RPSA2: variants seen among roughly 807,000 people sequenced by gnomAD.
RPSA2 encodes ribosomal protein SA 2.
the RPSA2 span, among the ~76,000 whole-genome samples, chr19:23,837,366 G>A: frequency 9.0e-5 from 1 of 11,078 alleles, no homozygotes; most frequent in Non-Finnish European, 3.4e-4. Context: ...GGACCATGCT[G>A]TTTTGGTGAC....
the RPSA2 span, among the ~76,000 whole-genome samples, chr19:23,834,783 G>A: frequency 1.5e-4 from 23 of 152,020 alleles, no homozygotes; most frequent in African/African-American, 5.1e-4. Flanking sequence ...AAGGGTGTAG[G>A]TAACAATACA....
the RPSA2 span, chr19:23,831,881 C>A: frequency 1.0e-5 from 3 of 293,268 alleles, no homozygotes; most frequent in Admixed American, 8.0e-5. Flanking sequence ...GGAAGAAAAC[C>A]TTTCAAATGT....
chr19:23,839,716 C>G, the RPSA2 span, among the ~76,000 whole-genome samples: 1 of 152,184 alleles, frequency 6.6e-6, no homozygotes, highest in Non-Finnish European at 1.5e-5. Flanking sequence ...CCTCCTCCCT[C>G]TCCCATGGAT....
chr19:23,762,979 G>A, the RPSA2 span: 3 of 152,302 alleles, frequency 2.0e-5, no homozygotes, highest in Non-Finnish European at 4.4e-5. Flanking sequence ...GACATTCCGC[G>A]GGGTCTTTAC....
At chr19:23,834,437 G>T in the RPSA2 span, among the ~76,000 whole-genome samples, 7 of 151,838 alleles carry the variant, frequency 4.6e-5, no homozygotes, top group African/African-American at 1.7e-4. Context: ...TCTATGGAAA[G>T]GTAAGGACAT....
chr19:23,770,722 C>T, the RPSA2 span, among the ~76,000 whole-genome samples: 2 of 152,120 alleles, frequency 1.3e-5, no homozygotes, highest in Admixed American at 6.5e-5. Flanking sequence ...ATCACTGGGC[C>T]TAGCATCTAG....
chr19:23,796,357 T>C, the RPSA2 span, among the ~76,000 whole-genome samples: 1 of 152,026 alleles, frequency 6.6e-6, no homozygotes, highest in Non-Finnish European at 1.5e-5. Flanking sequence ...GATATGCTGC[T>C]AAATTTGGTT....
At chr19:23,777,357 C>T in the RPSA2 span, among the ~76,000 whole-genome samples, 7 of 152,172 alleles carry the variant, frequency 4.6e-5, no homozygotes, top group African/African-American at 1.7e-4. Flanking sequence ...GCTTTGCCTA[C>T]AGGGGTATGA....
chr19:23,834,070 A>G, the RPSA2 span, among the ~76,000 whole-genome samples: 1 of 152,114 alleles, frequency 6.6e-6, no homozygotes, highest in East Asian at 1.9e-4. Context: ...GTCTATGTAA[A>G]TATCAGAATA....
the RPSA2 span, chr19:23,807,938 G>T: frequency 3.1e-6 from 1 of 326,606 alleles, no homozygotes; most frequent in South Asian, 3.5e-5. Context: ...TGGCCTTCCT[G>T]GGTGAGGATA....
chr19:23,786,747 G>A, the RPSA2 span, among the ~76,000 whole-genome samples: 1 of 152,000 alleles, frequency 6.6e-6, no homozygotes, highest in Non-Finnish European at 1.5e-5. Context: ...TAGCATCTAG[G>A]TGATGTGACT....
the RPSA2 span, among the ~76,000 whole-genome samples, chr19:23,764,184 C>A: frequency 6.6e-6 from 1 of 152,214 alleles, no homozygotes; most frequent in Non-Finnish European, 1.5e-5. Flanking sequence ...TAACACTCCA[C>A]AGGAGGAGGA....
chr19:23,783,638 T>G, the RPSA2 span, among the ~76,000 whole-genome samples: 1 of 152,220 alleles, frequency 6.6e-6, no homozygotes, highest in African/African-American at 2.4e-5. Context: ...TTGGTTATTG[T>G]GACATATCAC....
the RPSA2 span, among the ~76,000 whole-genome samples, chr19:23,871,085 T>C: frequency 6.6e-6 from 1 of 152,112 alleles, no homozygotes; most frequent in Admixed American, 6.5e-5. Flanking sequence ...CTTTACTCAA[T>C]AAATATAAAG....
At chr19:23,785,327 A>G in the RPSA2 span, among the ~76,000 whole-genome samples, 1 of 152,094 alleles carries the variant, frequency 6.6e-6, no homozygotes. Context: ...GCAAGTTAGG[A>G]CATATTACTA....
At chr19:23,815,007 G>C in the RPSA2 span, among the ~76,000 whole-genome samples, 1,802 of 152,178 alleles carry the variant, frequency 0.012, 14 homozygotes, top group Middle Eastern at 0.017. Flanking sequence ...TACCATGTCT[G>C]AATAATTCTT....
At chr19:23,841,090 G>A in the RPSA2 span, among the ~76,000 whole-genome samples, 1 of 151,938 alleles carries the variant, frequency 6.6e-6, no homozygotes, top group African/African-American at 2.4e-5. Flanking sequence ...TAATCTCACA[G>A]AAGTCATGTT....
the RPSA2 span, among the ~76,000 whole-genome samples, chr19:23,825,346 T>A: frequency 1.3e-5 from 2 of 152,214 alleles, no homozygotes. Flanking sequence ...AATTGTGTTT[T>A]GATTTTTTAG....
At chr19:23,832,262 C>A in the RPSA2 span, 10 of 447,686 alleles carry the variant, frequency 2.2e-5, no homozygotes, top group East Asian at 5.7e-4. Flanking sequence ...CAGTTCTCAA[C>A]CCTTACGAAA....
Sources: allele counts gnomAD v4.1 joint callset (sites outside exome capture counted in the v4.1 genomes callset), GRCh38; gene constraint gnomAD v4.1.1; transcripts MANE v1.5; gene names NCBI Gene and HGNC (gene_info 2026-07-23, HGNC 2026-07-21).